Variants in TRIM50 observed in about 807,000 individuals in gnomAD.
The protein encoded by TRIM50 is tripartite motif containing 50.
TRIM50 carries 34 observed loss-of-function variants against 44.9 expected under a neutral mutation model. That is an observed-to-expected ratio of 0.76 (90% CI 0.58 to 1.01). TRIM50 has a LOEUF of 1.01. Ranked by LOEUF, TRIM50 falls within the 50% of genes least tolerant of loss-of-function variation. The probability of loss-of-function intolerance (pLI) is 0.00; values close to 1 mark genes in which losing one functional copy is unlikely to be tolerated. For synonymous variants in TRIM50, 307 were observed against 291.1 expected (o/e 1.05, Z -0.56); for missense variants, 633 against 663.7 (o/e 0.95, Z 0.51).
intron 5 of TRIM50, 30 bp downstream of exon 5, chr7:73,318,657 C>A (rs1328017029): frequency 1.2e-6 from 2 of 1,612,686 alleles, no homozygotes; most frequent in Non-Finnish European, 1.7e-6. Flanking sequence ...AGCCACCAGA[C>A]CCTGGCTGAG....
chr7:73,318,973 C>T lies in TRIM50; in HGVS notation c.575G>A (p.Arg192His), dbSNP rs147367299. 86 of 1,613,906 alleles carry T rather than the reference C, an allele frequency of 5.3e-5. No homozygotes were observed. The African/African-American group carries it at 1.0e-3, about 19-fold the overall frequency. ...GTGACCCCCTATCCCCTCCAGGCAGCGGGCCTTCTCCTCATCCACCAGGTG... is the reference window on the plus strand; with the variant it reads ...GTGACCCCCTATCCCCTCCAGGCAGTGGGCCTTCTCCTCATCCACCAGGTG... ...LHHLVDEEKA[R>H]CLEGIGGHTR... Residue 192 changes from arginine to histidine, a missense_variant, in exon 4 of 7, where the codon CGC (arginine) becomes CAC (histidine). By Grantham distance (29) the Arg-to-His change is conservative (BLOSUM62 0). Coordinates refer to ENST00000333149, the MANE Select transcript of TRIM50 (RefSeq NM_178125.3).
chr7:73,321,642 G>A (rs1804498596), intron 2 of TRIM50, among the ~76,000 whole-genome samples: 1 of 152,150 alleles, frequency 6.6e-6, no homozygotes, highest in Non-Finnish European at 1.5e-5. Flanking sequence ...ACCATCTACT[G>A]CACGATTTGA....
At chr7:73,321,024 C>CAA (rs1173613197) in intron 2 of TRIM50, among the ~76,000 whole-genome samples, 2 of 84,966 alleles carry the variant, frequency 2.4e-5, no homozygotes, top group Admixed American at 1.4e-4. Flanking sequence ...AACTCCGTCT[C>CAA]AAAAAAAAAA....
chr7:73,312,671 C>A lies in TRIM50; in HGVS notation c.*250G>T. 2.0e-6 allele frequency: 1 copy of A among 502,728 alleles called. No individual in the cohort carries two copies. Among genetic ancestry groups the A allele is most frequent in the Non-Finnish European group, 3.5e-6 (1 of 286,574 alleles). 31.1% of individuals were successfully genotyped at this position (502,728 alleles called of 1,614,324 possible). Reference sequence around the variant, plus strand: ...CGCAGATAGCATGGTTAGCAAGTGGCAGGAACCATGGGGATTTCAGTGTGT... The same window carrying A: ...CGCAGATAGCATGGTTAGCAAGTGGAAGGAACCATGGGGATTTCAGTGTGT... On this transcript the variant is annotated 3_prime_UTR_variant, in exon 7 of 7. Coordinates refer to ENST00000333149, the MANE Select transcript of TRIM50 (RefSeq NM_178125.3).
At chr7:73,314,318 A>G (rs1554543732) in intron 6 of TRIM50, 4 of 357,380 alleles carry the variant, frequency 1.1e-5, no homozygotes, top group East Asian at 1.5e-4. Flanking sequence ...CATCCTCTAT[A>G]AGTAGCAGAA....
rs1554543381 is a variant in TRIM50, at chr7:73,313,184, G to A, written c.1201C>T (p.Pro401Ser). ...EGRVYEAFAC[P>S]RVPLPVAGHP... ...CCGGCCACGGGCAGGGGTACCCGGG[G>A]GCAGGCAAAGGCTTCGTACACCCGG... The change falls in exon 7 of 7, where the codon CCC becomes TCC. Residue 401 changes from proline (P) to serine (S), a missense_variant. By Grantham distance (74) the Pro-to-Ser change is moderately conservative. Coordinates refer to ENST00000333149, the MANE Select transcript of TRIM50 (RefSeq NM_178125.3). The surrounding 1 kb of genome is among the most constrained non-coding windows in gnomAD (Gnocchi z 4.9). The A allele has an allele frequency of 1.3e-6, 2 of 1,588,416 alleles. No homozygotes were observed. Among genetic ancestry groups the A allele is most frequent in the African/African-American group, 1.3e-5 (1 of 74,626 alleles).
chr7:73,312,749 G>A lies in TRIM50; in HGVS notation c.*172C>T, dbSNP rs1437672413. On this transcript the variant is annotated 3_prime_UTR_variant, in exon 7 of 7. Transcript: ENST00000333149. ...AGTTTACAAATACACCCTTGGCTGA[G>A]GGGAAAGGGACTGGGGTCCTGTTCC... The A allele has an allele frequency of 3.3e-6, 2 of 598,924 alleles. No individual in the cohort carries two copies. The highest frequency in any genetic ancestry group is 2.9e-6 in the Non-Finnish European group (1 of 349,220). 37.1% of individuals were successfully genotyped at this position (598,924 alleles called of 1,614,324 possible).
intron 2 of TRIM50, chr7:73,321,956 C>A (rs1198267894): frequency 6.6e-6 from 1 of 152,142 alleles, no homozygotes; most frequent in African/African-American, 2.4e-5. Context: ...CTCAAAATCT[C>A]AATAAACAGG....
Position 73,314,310 on chromosome 7 carries a change from T to C in TRIM50, c.875-800A>G, listed in dbSNP as rs1804308579. The C allele has an allele frequency of 1.1e-5, 4 of 349,422 alleles. No individual in the cohort carries two copies. The East Asian group carries it at 3.2e-4, about 28-fold the overall frequency. The allele number at this position is 349,422 out of a possible 1,614,324, so 21.6% of individuals were successfully genotyped here. A position where few individuals can be genotyped will look rare whatever the true frequency, so the allele number is the denominator to read the frequency against. On this transcript the variant is annotated intron_variant, in intron 6 of 6. Transcript: ENST00000333149. ...GTCAGGGTGCAGTGGCGGACAGCCA[T>C]CCTCTATAAGTAGCAGAAACTGTCT...
intron 6 of TRIM50, chr7:73,314,160 C>A (rs1332528883): frequency 2.7e-6 from 1 of 368,670 alleles, no homozygotes; most frequent in Non-Finnish European, 5.0e-6. Flanking sequence ...CCCCTGCTGG[C>A]GTGAAGAAGC....
chr7:73,322,634 G>C (rs1267811697), intron 2 of TRIM50, among the ~76,000 whole-genome samples: 1 of 152,156 alleles, frequency 6.6e-6, no homozygotes, highest in East Asian at 1.9e-4. Flanking sequence ...CTGTCTCTCT[G>C]ATTTCCGGGA....
rs1554545619 is a variant in TRIM50 at position 73,324,540 on chromosome 7, T to G, written c.248A>C (p.Asp83Ala). The G allele has an allele frequency of 6.2e-7, 1 of 1,613,892 alleles. No individual in the cohort carries two copies. The highest frequency in any genetic ancestry group is 1.1e-5 in the South Asian group (1 of 91,048). Reference protein sequence around the residue: ...RVIEALRLPGDPEPKVCVHHR... With the variant: ...RVIEALRLPGAPEPKVCVHHR... ...GTGCACGCAGACCTTGGGCTCCGGGTCCCCAGGGAGCCTCAGGGCTTCGAT... is the reference window on the plus strand; with the variant it reads ...GTGCACGCAGACCTTGGGCTCCGGGGCCCCAGGGAGCCTCAGGGCTTCGAT... Residue 83 changes from aspartate (D) to alanine (A), a missense_variant, in exon 2 of 7, where the codon GAC (aspartate) becomes GCC (alanine). Transcript: ENST00000333149.
At chr7:73,325,014 ATGTGTGTGTGTGTGTGTGTG>A (rs3040867) in intron 1 of TRIM50, among the ~76,000 whole-genome samples, 6 of 141,948 alleles carry the variant, frequency 4.2e-5, no homozygotes, top group South Asian at 2.3e-4. Context: ...CCTTGAAGAT[ATGTGTGTGTGTGTGTGTGTG>A]TGTGTGTGTG....
chr7:73,317,536 T>G (rs531896328), intron 5 of TRIM50, among the ~76,000 whole-genome samples: 11 of 152,064 alleles, frequency 7.2e-5, no homozygotes, highest in Admixed American at 5.9e-4. Context: ...TTTTGTATTT[T>G]TCATAGAGAC....
intron 1 of TRIM50, among the ~76,000 whole-genome samples, chr7:73,327,519 G>A (rs1804666200): frequency 6.6e-6 from 1 of 152,132 alleles, no homozygotes; most frequent in Non-Finnish European, 1.5e-5. Context: ...TGTCTTGTCT[G>A]GGCCTAAATT....
chr7:73,314,962 A>G, intron 6 of TRIM50: 1 of 307,472 alleles, frequency 3.3e-6, no homozygotes, highest in East Asian at 9.8e-5. Flanking sequence ...CCCTGACTGC[A>G]TCATCAAGGG....
intron 6 of TRIM50, chr7:73,314,296 G>T: frequency 3.0e-6 from 1 of 331,826 alleles, no homozygotes. Flanking sequence ...TCAGGGTGCA[G>T]TGGCGGACAG....
chr7:73,316,025 C>G (rs1173657553), intron 6 of TRIM50, among the ~76,000 whole-genome samples: 1 of 151,802 alleles, frequency 6.6e-6, no homozygotes, highest in East Asian at 1.9e-4. Context: ...GGATTACAGG[C>G]GCACACTACC....
rs1554543314 is a variant in TRIM50 at position 73,313,143 on chromosome 7, G to C, written c.1242C>G (p.Ile414Met). 6.3e-7 allele frequency: 1 copy of C among 1,589,992 alleles called. No individual in the cohort carries two copies. Among genetic ancestry groups the C allele is most frequent in the Non-Finnish European group, 8.6e-7 (1 of 1,168,672 alleles). Residue 414 changes from isoleucine to methionine, a missense_variant, in exon 7 of 7, where the codon ATC (isoleucine) becomes ATG (methionine). Ile to Met is a conservative substitution (Grantham distance 10, BLOSUM62 1). Transcript: ENST00000333149. This position sits in a 1 kb window ranked among gnomAD's most constrained non-coding sequence, Gnocchi z 4.9. ...CCTGCTCATAGTGCAGGTAGAGCCCGATGCGGTGGGGGTGGCCGGCCACGG... is the reference window on the plus strand; with the variant it reads ...CCTGCTCATAGTGCAGGTAGAGCCCCATGCGGTGGGGGTGGCCGGCCACGG... The part of the protein sequence containing the change: ...PLPVAGHPHR[I>M]GLYLHYEQGE...
Sources: gnomAD v4.1 joint callset for allele counts (sites outside exome capture counted in the v4.1 genomes callset) on GRCh38, gnomAD v4.1.1 for gene constraint, Gnocchi (gnomAD v3.1) non-coding constraint, MANE v1.5 for transcripts, NCBI Gene and HGNC (gene_info 2026-07-23, HGNC 2026-07-21) for gene names.